LARP1: variants seen among roughly 807,000 people sequenced by gnomAD.
The protein encoded by LARP1 is la-related protein 1.
Under a neutral mutation model 122.7 loss-of-function variants are expected in LARP1, and 36 were observed. The observed-to-expected ratio is 0.29, with a 90% confidence interval of 0.22 to 0.39. The LOEUF (loss-of-function observed/expected upper bound fraction) is 0.39. Ranked by LOEUF, LARP1 falls within the 10% of genes least tolerant of loss-of-function variation. LARP1 has a pLI of 1.00. For missense variants in LARP1, 1,040 were observed against 1,403.6 expected (o/e 0.74, Z 4.14); for synonymous variants, 539 against 528.7 (o/e 1.02, Z -0.27).
At chr5:154,790,262 G>A in intron 1 of LARP1, 63 bp from the exon 2 acceptor site, 1 of 1,408,238 alleles carries the variant, frequency 7.1e-7, no homozygotes, top group Non-Finnish European at 9.9e-7. Flanking sequence ...TGAGGGTGAG[G>A]AGCTGGCAGT....
intron 1 of LARP1, among the ~76,000 whole-genome samples, chr5:154,765,118 C>T (rs1035930961): frequency 1.3e-5 from 2 of 152,068 alleles, no homozygotes; most frequent in South Asian, 2.1e-4. Context: ...TCTCTAAGAC[C>T]GCACTTGATC....
At chr5:154,709,021 G>A (rs1434969985), upstream of LARP1, among the ~76,000 whole-genome samples, 3 of 152,146 alleles carry the variant, frequency 2.0e-5, no homozygotes, top group Admixed American at 2.0e-4. Context: ...TGCGTACCAC[G>A]GTGACTCATT....
upstream of LARP1, among the ~76,000 whole-genome samples, chr5:154,752,100 A>G (rs1753532554): frequency 3.3e-5 from 5 of 152,178 alleles, no homozygotes; most frequent in Admixed American, 2.6e-4. Flanking sequence ...GTGAGTCACT[A>G]TGCCCAGCCC....
intron 1 of LARP1, among the ~76,000 whole-genome samples, chr5:154,774,666 C>T (rs567697507): frequency 6.6e-6 from 1 of 152,260 alleles, no homozygotes; most frequent in African/African-American, 2.4e-5. Flanking sequence ...CTTGTAGTTG[C>T]TCTGGGATGT....
At position 154,755,741 on chromosome 5, in the gene LARP1, G is replaced by A; in HGVS notation, c.-17G>A. 1 of 987,478 alleles carries A rather than the reference G, an allele frequency of 1.0e-6. No homozygotes were observed. Among genetic ancestry groups the A allele is most frequent in the Non-Finnish European group, 1.2e-6 (1 of 830,454 alleles). The allele number at this position is 987,478 out of a possible 1,614,324, so 61.2% of individuals were successfully genotyped here. ...GCCTCGGGCGCGCCCGGCTTCTCCG[G>A]GGGGGCGGGCGCGCAGATGGCCACT... On this transcript the variant is annotated 5_prime_UTR_variant, in exon 1 of 19. Coordinates refer to ENST00000518297, the MANE Select transcript of LARP1 (RefSeq NM_033551.3).
intron 1 of LARP1, among the ~76,000 whole-genome samples, chr5:154,701,190 C>A (rs550233033): frequency 2.0e-5 from 3 of 152,076 alleles, no homozygotes; most frequent in African/African-American, 7.2e-5. Flanking sequence ...GCCTCACTTG[C>A]CTTACCCTTA....
chr5:154,691,541 C>G (rs1387539096), intron 1 of LARP1, among the ~76,000 whole-genome samples: 2 of 152,218 alleles, frequency 1.3e-5, no homozygotes, highest in Admixed American at 1.3e-4. Context: ...CTGCCCGACG[C>G]CCAGCTTGGG....
intron 1 of LARP1, among the ~76,000 whole-genome samples, chr5:154,713,460 G>GT (rs756935174): frequency 6.6e-6 from 1 of 152,194 alleles, no homozygotes; most frequent in African/African-American, 2.4e-5. Flanking sequence ...GCCAATCAGT[G>GT]TTTTTTGGTT....
In LARP1 at chr5:154,803,525, T is replaced by C; in HGVS notation, c.2234-15T>C. Reference sequence around the variant, plus strand: ...GCCTTTCCCTGCTTCCTGACTCCTCTCTCTGCCTCTGCAGTTCCTACGGAT... The same window carrying C: ...GCCTTTCCCTGCTTCCTGACTCCTCCCTCTGCCTCTGCAGTTCCTACGGAT... On this transcript the variant is annotated splice_polypyrimidine_tract_variant and intron_variant, in intron 12 of 18. Transcript: ENST00000518297. The surrounding 1 kb of genome is among the most constrained non-coding windows in gnomAD (Gnocchi z 4.4). The C allele has an allele frequency of 6.2e-7, 1 of 1,614,106 alleles. No individual in the cohort carries two copies. The highest frequency in any genetic ancestry group is 1.7e-5 in the Admixed American group (1 of 60,016).
At chr5:154,691,277 A>AAAAAG (rs1347038330) in intron 1 of LARP1, among the ~76,000 whole-genome samples, 1 of 148,672 alleles carries the variant, frequency 6.7e-6, no homozygotes, top group African/African-American at 2.5e-5. Context: ...AAAAAAAAAG[A>AAAAAG]AAGAAAGTAT....
chr5:154,705,856 T>C (rs1362314061), intron 1 of LARP1: 1 of 152,198 alleles, frequency 6.6e-6, no homozygotes. Flanking sequence ...CTTAAAGAAC[T>C]TAAAACAGAA....
At chr5:154,721,346 C>CAA (rs70981943) in intron 1 of LARP1, among the ~76,000 whole-genome samples, 58 of 126,814 alleles carry the variant, frequency 4.6e-4, no homozygotes, top group East Asian at 7.2e-4. Flanking sequence ...GACTCCGTCT[C>CAA]AAAAAAAAAA....
intron 1 of LARP1, among the ~76,000 whole-genome samples, chr5:154,747,010 A>C (rs62382161): frequency 1.3e-5 from 2 of 152,012 alleles, no homozygotes; most frequent in East Asian, 3.9e-4. Context: ...GGGCACCTGT[A>C]ATCTCAGCGG....
At chr5:154,695,056 C>T (rs563541582) in intron 1 of LARP1, among the ~76,000 whole-genome samples, 16 of 152,232 alleles carry the variant, frequency 1.1e-4, no homozygotes, top group Admixed American at 4.6e-4. Flanking sequence ...TGGCTCACGC[C>T]TGTAATCCCG....
intron 1 of LARP1, among the ~76,000 whole-genome samples, chr5:154,782,577 C>T (rs759639717): frequency 6.6e-6 from 1 of 152,154 alleles, no homozygotes; most frequent in Non-Finnish European, 1.5e-5. Flanking sequence ...CACCCTTGCT[C>T]CTCCTCCCGG....
At chr5:154,729,987 C>T (rs975573146) in intron 1 of LARP1, among the ~76,000 whole-genome samples, 1 of 152,146 alleles carries the variant, frequency 6.6e-6, no homozygotes, top group Admixed American at 6.6e-5. Flanking sequence ...CAGAAAGAAC[C>T]GTGTAGCTGA....
rs554446857 is a variant in LARP1, at chr5:154,755,914, G to T, written c.157G>T (p.Ala53Ser). The T allele has an allele frequency of 2.4e-3, 2,410 of 1,004,974 alleles. 43 individuals carry two copies. The African/African-American group carries it at 0.038, about 16-fold the overall frequency. The allele number at this position is 1,004,974 out of a possible 1,614,324, so 62.3% of individuals were successfully genotyped here. The change falls in exon 1 of 19, where the codon GCT (alanine) becomes TCT (serine). Residue 53 changes from alanine (A) to serine (S), a missense_variant. Around this residue, in one of 8 missense-constraint regions of LARP1, gnomAD observed 257 missense variants for 273.3 expected, o/e 0.94. Transcript: ENST00000518297. ...CCGCGGGGGGGAGCCGGACGGCAGC[G>T]CTCGGAGACCCCGGCCGCCCTGCGC... Reference protein sequence around the residue: ...DVRGGEPDGSARRPRPPCAKP... With the variant: ...DVRGGEPDGSSRRPRPPCAKP...
At chr5:154,769,044 G>A (rs1561583819) in intron 1 of LARP1, among the ~76,000 whole-genome samples, 1 of 152,116 alleles carries the variant, frequency 6.6e-6, no homozygotes, top group Non-Finnish European at 1.5e-5. Context: ...TTGCCACACT[G>A]GCCAGGCTGG....
chr5:154,755,723 G>A lies in LARP1; in HGVS notation c.-35G>A. On this transcript the variant is annotated 5_prime_UTR_variant, in exon 1 of 19. Coordinates refer to ENST00000518297, the MANE Select transcript of LARP1 (RefSeq NM_033551.3). ...TTCGAGGCGGGGGAGGCAGCCTCGG[G>A]CGCGCCCGGCTTCTCCGGGGGGGCG... The A allele has an allele frequency of 1.3e-5, 13 of 987,768 alleles. No individual in the cohort carries two copies. Among genetic ancestry groups the A allele is most frequent in the Non-Finnish European group, 1.6e-5 (13 of 830,434 alleles). The allele number at this position is 987,768 out of a possible 1,614,324, so 61.2% of individuals were successfully genotyped here.
Sources: allele counts gnomAD v4.1 joint callset (sites outside exome capture counted in the v4.1 genomes callset), GRCh38; gene constraint gnomAD v4.1.1; regional missense constraint gnomAD v4.1.1; non-coding constraint Gnocchi (gnomAD v3.1); transcripts MANE v1.5; gene names NCBI Gene and HGNC (gene_info 2026-07-23, HGNC 2026-07-21).